The following RBM34 variants were observed in gnomAD, a reference collection of about 807,000 sequenced individuals.
The protein encoded by RBM34 is RNA-binding protein 34.
RBM34 carries 39 observed loss-of-function variants against 44.6 expected under a neutral mutation model. The observed-to-expected ratio is 0.87, with a 90% CI of 0.68 to 1.14. The LOEUF (loss-of-function observed/expected upper bound fraction) is 1.14. Among genes scored for constraint, RBM34 ranks in the 50% most tolerant of loss-of-function variants. The probability of loss-of-function intolerance (pLI) is 0.00; values close to 1 mark genes in which losing one functional copy is unlikely to be tolerated. For synonymous variants in RBM34, 194 were observed against 184.0 expected (o/e 1.05, Z -0.44); for missense variants, 572 against 517.9 (o/e 1.10, Z -1.01).
At chr1:235,142,886 C>T (rs1162111930) in intron 6 of RBM34, among the ~76,000 whole-genome samples, 2 of 144,850 alleles carry the variant, frequency 1.4e-5, no homozygotes, top group Non-Finnish European at 1.5e-5. Context: ...TGGGATCGCA[C>T]CACTGCACTC....
At chr1:235,152,402 T>C in intron 5 of RBM34, 4 of 869,942 alleles carry the variant, frequency 4.6e-6, no homozygotes, top group Non-Finnish European at 5.7e-6. Flanking sequence ...CCAGCAATGA[T>C]AATCAGTATT....
intron 6 of RBM34, among the ~76,000 whole-genome samples, chr1:235,145,811 G>A (rs772064416): frequency 1.2e-4 from 18 of 151,992 alleles, no homozygotes; most frequent in Non-Finnish European, 2.2e-4. Context: ...TTGAGAGAGC[G>A]GGTCTTGCTT....
chr1:235,155,229 T>C (rs1662347254), intron 3 of RBM34, 117 bp from the exon 4 acceptor site: 2 of 858,394 alleles, frequency 2.3e-6, no homozygotes, highest in Non-Finnish European at 3.6e-6. Context: ...TTCTGAATTT[T>C]CCTAGATTTA....
chr1:235,152,076 C>T (rs1206582835), intron 5 of RBM34, among the ~76,000 whole-genome samples: 1 of 151,788 alleles, frequency 6.6e-6, no homozygotes, highest in Non-Finnish European at 1.5e-5. Flanking sequence ...TTCTAATATA[C>T]ATTAATTATG....
chr1:235,159,376 C>T (rs996622376), intron 3 of RBM34, among the ~76,000 whole-genome samples: 1 of 151,380 alleles, frequency 6.6e-6, no homozygotes, highest in Non-Finnish European at 1.5e-5. Context: ...ATGGTGACAC[C>T]CCGTCTCTAC....
chr1:235,143,716 C>T (rs757203448), intron 6 of RBM34, among the ~76,000 whole-genome samples: 20 of 152,022 alleles, frequency 1.3e-4, no homozygotes, highest in African/African-American at 4.8e-4. Flanking sequence ...CCAGCCTGAG[C>T]GACAGAGCAA....
intron 3 of RBM34, among the ~76,000 whole-genome samples, chr1:235,155,378 G>A (rs1375991992): frequency 6.6e-6 from 1 of 150,982 alleles, no homozygotes; most frequent in Non-Finnish European, 1.5e-5. Context: ...GTCTTGCTCT[G>A]TCACCCAGGC....
rs1176804824 is a variant in RBM34 at position 235,154,872 on chromosome 1, C to G, written c.597+9G>C. On this transcript the variant is annotated intron_variant, in intron 4 of 10. Coordinates refer to ENST00000408888, the MANE Select transcript of RBM34 (RefSeq NM_015014.4). ...AACTTCTCTGAACTTTTACCATATA[C>G]AAACTCACCTTCTTATTACATGTAA... 1 of 1,603,862 alleles carries G rather than the reference C, an allele frequency of 6.2e-7. No individual in the cohort carries two copies.
At position 235,160,658 on chromosome 1, in the gene RBM34, G is replaced by A. The variant is rs370424783; in HGVS notation, c.229-11C>T. On this transcript the variant is annotated splice_polypyrimidine_tract_variant and intron_variant, in intron 2 of 10. Coordinates refer to ENST00000408888, the MANE Select transcript of RBM34 (RefSeq NM_015014.4). ...TTTTTTGATGGTTTGCTTTTTAAAA[G>A]TTTGAAGTTATATTTGAGACCCCAT... 716 of 1,608,456 alleles carry A rather than the reference G, an allele frequency of 4.5e-4. No individual in the cohort carries two copies. Among genetic ancestry groups the A allele is most frequent in the Non-Finnish European group, 5.7e-4 (669 of 1,178,296 alleles).
intron 3 of RBM34, chr1:235,160,223 G>A (rs1286642216): frequency 1.9e-6 from 1 of 521,000 alleles, no homozygotes; most frequent in Non-Finnish European, 3.7e-6. Flanking sequence ...CTCTACTGCA[G>A]CCTGGGCGTG....
At chr1:235,155,861 A>C in intron 3 of RBM34, among the ~76,000 whole-genome samples, 1 of 30,556 alleles carries the variant, frequency 3.3e-5, no homozygotes, top group African/African-American at 1.9e-4. Flanking sequence ...ATATATATAT[A>C]TATATACATA....
chr1:235,142,348 G>A (rs1012539673), intron 6 of RBM34, among the ~76,000 whole-genome samples: 4 of 152,120 alleles, frequency 2.6e-5, no homozygotes, highest in African/African-American at 4.8e-5. Flanking sequence ...GCATGATCTC[G>A]GCTCACTGCA....
At chr1:235,155,876 C>T (rs868627501) in intron 3 of RBM34, among the ~76,000 whole-genome samples, 468 of 83,934 alleles carry the variant, frequency 5.6e-3, no homozygotes, top group Non-Finnish European at 6.4e-3. Context: ...TACATATATA[C>T]TTTTTTTTTT....
chr1:235,138,210 G>C (rs754889643), intron 6 of RBM34, 36 bp from the exon 7 acceptor site: 1 of 1,517,608 alleles, frequency 6.6e-7, no homozygotes, highest in African/African-American at 1.4e-5. Flanking sequence ...AAAGAAAAGA[G>C]AGACAAGGTA....
At chr1:235,143,684 G>C (rs1268677757) in intron 6 of RBM34, among the ~76,000 whole-genome samples, 1 of 152,114 alleles carries the variant, frequency 6.6e-6, no homozygotes. Context: ...GTTGCAATTA[G>C]CCGAGATGGT....
chr1:235,135,947 A>C, intron 9 of RBM34, 87 bp downstream of exon 9: 1 of 1,318,298 alleles, frequency 7.6e-7, no homozygotes, highest in Non-Finnish European at 1.1e-6. Flanking sequence ...AATTAGTCTT[A>C]AATCAAAACA....
chr1:235,138,351 A>C (rs947176681), intron 6 of RBM34, among the ~76,000 whole-genome samples, 177 bp from the exon 7 acceptor site: 2 of 152,224 alleles, frequency 1.3e-5, no homozygotes, highest in Non-Finnish European at 2.9e-5. Flanking sequence ...AAAATAACAC[A>C]CAACTTATAA....
intron 10 of RBM34, among the ~76,000 whole-genome samples, chr1:235,133,295 C>T (rs532116858): frequency 5.3e-5 from 8 of 152,246 alleles, no homozygotes; most frequent in East Asian, 3.9e-4. Context: ...GAGCTGAGAT[C>T]GTGCCAAAGC....
intron 3 of RBM34, among the ~76,000 whole-genome samples, chr1:235,156,907 C>T (rs1438428217): frequency 6.6e-6 from 1 of 152,180 alleles, no homozygotes; most frequent in South Asian, 2.1e-4. Flanking sequence ...ACGAGAAAGG[C>T]TTCTCAGAGG....
Sources: allele counts gnomAD v4.1 joint callset (sites outside exome capture counted in the v4.1 genomes callset), GRCh38; gene constraint gnomAD v4.1.1; transcripts MANE v1.5; gene names NCBI Gene and HGNC (gene_info 2026-07-23, HGNC 2026-07-21).